YWHAQ: variants seen among roughly 807,000 people sequenced by gnomAD.
YWHAQ encodes the protein tyrosine 3-monooxygenase/tryptophan 5-monooxygenase activation protein theta, also known as 14-3-3 protein theta.
A neutral mutation model predicts 28.3 loss-of-function variants in YWHAQ; 6 were observed. The ratio of observed to expected loss-of-function variants is 0.21; its 90% CI spans 0.12 to 0.42. YWHAQ has a LOEUF of 0.42. YWHAQ is among the 10% of genes least tolerant of loss of function. The pLI, the probability that YWHAQ is intolerant of heterozygous loss-of-function variation, is 1.00. For missense variants in YWHAQ, 201 were observed against 305.6 expected (o/e 0.66, Z 2.55); for synonymous variants, 143 against 119.1 (o/e 1.20, Z -1.31).
rs182628150 is a variant in YWHAQ at position 9,601,695 on chromosome 2, G to A, written c.295-10180C>T. 2.7e-3 allele frequency among the ~76,000 whole-genome samples: 409 copies of A among 152,142 alleles called. 2 individuals carry two copies. Among genetic ancestry groups the A allele is most frequent in the African/African-American group, 9.5e-3 (393 of 41,502 alleles). On this transcript the variant is annotated intron_variant, in intron 2 of 5. Transcript: ENST00000238081. ...GAATCTCACTCTGTCACCCAGGTTG[G>A]AGTGCAGTGGTGTGATCTTAGCTCA...
chr2:9,588,986 G>A (rs1229605276), intron 3 of YWHAQ, among the ~76,000 whole-genome samples: 1 of 151,962 alleles, frequency 6.6e-6, no homozygotes, highest in Non-Finnish European at 1.5e-5. Flanking sequence ...GCTAGGCATG[G>A]TAGTGCGTGC....
chr2:9,596,712 T>C (rs569749210), intron 2 of YWHAQ, among the ~76,000 whole-genome samples: 25 of 151,676 alleles, frequency 1.6e-4, no homozygotes, highest in South Asian at 2.1e-4. Flanking sequence ...ATTTTTTTTT[T>C]CCCCCTTGAG....
intron 2 of YWHAQ, among the ~76,000 whole-genome samples, chr2:9,629,903 T>C (rs1027561217): frequency 6.6e-6 from 1 of 152,104 alleles, no homozygotes; most frequent in African/African-American, 2.4e-5. Flanking sequence ...GAGACCTACT[T>C]GGATGTTTCC....
intron 2 of YWHAQ, among the ~76,000 whole-genome samples, chr2:9,629,808 C>T (rs920074679): frequency 2.6e-5 from 4 of 152,204 alleles, no homozygotes; most frequent in Admixed American, 2.6e-4. Flanking sequence ...AGCTTGTGAA[C>T]CGACTGAATA....
chr2:9,603,839 C>A (rs1168605351), intron 2 of YWHAQ, among the ~76,000 whole-genome samples: 1 of 151,992 alleles, frequency 6.6e-6, no homozygotes, highest in East Asian at 1.9e-4. Context: ...GCAAGGGAAT[C>A]TCTTTAACCC....
chr2:9,606,594 A>G (rs1046147705), intron 2 of YWHAQ, among the ~76,000 whole-genome samples: 1 of 152,104 alleles, frequency 6.6e-6, no homozygotes, highest in East Asian at 1.9e-4. Context: ...CAGTGGTGTG[A>G]TATCGGCTCA....
intron 2 of YWHAQ, among the ~76,000 whole-genome samples, chr2:9,594,138 C>A (rs1161325804): frequency 1.3e-5 from 2 of 151,856 alleles, no homozygotes; most frequent in Non-Finnish European, 2.9e-5. Flanking sequence ...GTCATTAGGG[C>A]CACACCCAAA....
At chr2:9,595,073 T>C (rs1666543828) in intron 2 of YWHAQ, among the ~76,000 whole-genome samples, 1 of 152,226 alleles carries the variant, frequency 6.6e-6, no homozygotes, top group Non-Finnish European at 1.5e-5. Context: ...ACTTGGGCAT[T>C]ACTTCCATCC....
intron 2 of YWHAQ, among the ~76,000 whole-genome samples, chr2:9,626,487 T>C (rs1166176702): frequency 6.6e-6 from 1 of 152,256 alleles, no homozygotes; most frequent in Non-Finnish European, 1.5e-5. Context: ...TGGAGTGCAG[T>C]GGCACATCTC....
At chr2:9,612,415 G>A (rs77146893) in intron 2 of YWHAQ, among the ~76,000 whole-genome samples, 1 of 152,274 alleles carries the variant, frequency 6.6e-6, no homozygotes, top group East Asian at 1.9e-4. Flanking sequence ...CTAACCTAGA[G>A]CTTCCAGGTA....
chr2:9,602,833 A>G (rs1666720660), intron 2 of YWHAQ, among the ~76,000 whole-genome samples: 1 of 22,286 alleles, frequency 4.5e-5, no homozygotes, highest in South Asian at 3.3e-3. Context: ...CTAATTTAAA[A>G]AAAAAAAAAA....
At chr2:9,589,657 A>G (rs1253535344) in intron 3 of YWHAQ, among the ~76,000 whole-genome samples, 3 of 152,210 alleles carry the variant, frequency 2.0e-5, no homozygotes, top group African/African-American at 7.2e-5. Flanking sequence ...AAAGATCATC[A>G]ACACCAAAAT....
At chr2:9,615,719 TACAC>T (rs1283552232) in intron 2 of YWHAQ, among the ~76,000 whole-genome samples, 3 of 152,096 alleles carry the variant, frequency 2.0e-5, no homozygotes, top group Admixed American at 6.5e-5. Flanking sequence ...CTTCCCCACT[TACAC>T]ACAAGGGAAT....
rs545839277 is a variant in YWHAQ at position 9,630,462 on chromosome 2, G to A, written c.-10C>T. On this transcript the variant is annotated 5_prime_UTR_variant, in exon 2 of 6. Transcript: ENST00000238081. The surrounding 1 kb of genome is among the most constrained non-coding windows in gnomAD (Gnocchi z 5.6). ...GCTCAGTCTTCTCCATGGCGGGCGC[G>A]GGGCCGGGGCCGGGGCGGAGGGCGA... The A allele has an allele frequency of 1.3e-6, 2 of 1,574,646 alleles. No homozygotes were observed. The highest frequency in any genetic ancestry group is 1.7e-5 in the Admixed American group (1 of 57,928).
intron 2 of YWHAQ, among the ~76,000 whole-genome samples, chr2:9,624,062 C>T (rs144037783): frequency 5.8e-4 from 88 of 152,210 alleles, no homozygotes; most frequent in African/African-American, 2.0e-3. Context: ...TCAAGACCAG[C>T]CTGGGCAACA....
chr2:9,602,560 C>T (rs567378343), intron 2 of YWHAQ, among the ~76,000 whole-genome samples: 6 of 151,164 alleles, frequency 4.0e-5, no homozygotes, highest in Admixed American at 2.0e-4. Flanking sequence ...ACAGGTGAGT[C>T]CCACCACCCA....
At chr2:9,607,103 C>T (rs1041850573) in intron 2 of YWHAQ, among the ~76,000 whole-genome samples, 3 of 152,124 alleles carry the variant, frequency 2.0e-5, no homozygotes, top group Admixed American at 6.5e-5. Flanking sequence ...ATGCTGGTCT[C>T]GAACTCCTGA....
Position 9,617,254 on chromosome 2 carries a change from G to A in YWHAQ, c.294+12905C>T, listed in dbSNP as rs745468637. Among the ~76,000 whole-genome samples, 7 of 151,688 alleles carry A rather than the reference G, an allele frequency of 4.6e-5. No homozygotes were observed. The East Asian group carries it at 7.7e-4, about 17-fold the overall frequency. Reference sequence around the variant, plus strand: ...TGTGATTACAGGTGTGAGCCACCACGTCCGTCCAAAAAAAGTAGTATTTCT... The same window carrying A: ...TGTGATTACAGGTGTGAGCCACCACATCCGTCCAAAAAAAGTAGTATTTCT... On this transcript the variant is annotated intron_variant, in intron 2 of 5. Transcript: ENST00000238081.
intron 2 of YWHAQ, among the ~76,000 whole-genome samples, chr2:9,601,396 T>A (rs1038281370): frequency 2.6e-5 from 4 of 152,076 alleles, no homozygotes; most frequent in Non-Finnish European, 4.4e-5. Context: ...GAGGCAGAGG[T>A]TGCAGTGAGC....
Sources: allele counts gnomAD v4.1 joint callset (sites outside exome capture counted in the v4.1 genomes callset), GRCh38; gene constraint gnomAD v4.1.1; non-coding constraint Gnocchi (gnomAD v3.1); transcripts MANE v1.5; gene names NCBI Gene and HGNC (gene_info 2026-07-23, HGNC 2026-07-21).